Variants in TMEM163 observed in about 807,000 individuals in gnomAD.
The protein encoded by TMEM163 is transmembrane protein 163.
Under a neutral mutation model 29.3 loss-of-function variants are expected in TMEM163, and 17 were observed. That is an observed-to-expected ratio of 0.58 (90% CI 0.40 to 0.87). The LOEUF is 0.87. TMEM163 is among the 40% of genes least tolerant of loss of function. The pLI is 0.00. For missense variants in TMEM163, 303 were observed against 381.5 expected, an observed-to-expected ratio of 0.79 and a Z score of 1.71; for synonymous variants, 157 against 160.6, an observed-to-expected ratio of 0.98 and a Z score of 0.17.
chr2:134,477,459 T>C (rs927910971), intron 5 of TMEM163, among the ~76,000 whole-genome samples: 38 of 152,170 alleles, frequency 2.5e-4, no homozygotes, highest in African/African-American at 8.7e-4. Context: ...ACCGTCAGTT[T>C]GCTAACCTGG....
intron 4 of TMEM163, among the ~76,000 whole-genome samples, chr2:134,508,611 A>C (rs1679878865): frequency 6.6e-6 from 1 of 152,142 alleles, no homozygotes; most frequent in South Asian, 2.1e-4. Flanking sequence ...TATCATGCAG[A>C]AGCCAAACCG....
rs570647029 is a variant in TMEM163 at position 134,566,573 on chromosome 2, T to A, written c.323-14482A>T. ...GTGAGACTCCATCTCAAAAAAAAAA[T>A]TTTTTTTGCAAATTCTGAGTGCTGG... On this transcript the variant is annotated intron_variant, in intron 2 of 7. Coordinates refer to ENST00000281924, the MANE Select transcript of TMEM163 (RefSeq NM_030923.5). Among the ~76,000 whole-genome samples the A allele has an allele frequency of 8.8e-4, 134 of 151,616 alleles. 1 individual carries two copies. The East Asian group carries it at 0.018, about 20-fold the overall frequency.
chr2:134,536,690 T>C (rs1013400516), intron 4 of TMEM163, among the ~76,000 whole-genome samples: 1 of 152,126 alleles, frequency 6.6e-6, no homozygotes, highest in African/African-American at 2.4e-5. Flanking sequence ...CAGAATATAC[T>C]TAGTACAGTG....
intron 2 of TMEM163, among the ~76,000 whole-genome samples, chr2:134,634,032 T>G: frequency 7.7e-6 from 1 of 130,458 alleles, no homozygotes; most frequent in African/African-American, 2.8e-5. Context: ...ATAGGACTGT[T>G]TTAAGATGCA....
chr2:134,567,332 C>A (rs1422547436), intron 2 of TMEM163, among the ~76,000 whole-genome samples: 1 of 152,168 alleles, frequency 6.6e-6, no homozygotes, highest in Non-Finnish European at 1.5e-5. Flanking sequence ...TTTAAACTAC[C>A]TAGGTGTAGT....
chr2:134,636,227 G>A (rs1186352557), intron 2 of TMEM163, among the ~76,000 whole-genome samples: 2 of 152,212 alleles, frequency 1.3e-5, no homozygotes, highest in Non-Finnish European at 1.5e-5. Context: ...ACTGGGCTCA[G>A]GCTGGCTGGC....
chr2:134,689,110 GT>G (rs5834423), intron 2 of TMEM163, among the ~76,000 whole-genome samples: 17,719 of 130,566 alleles, frequency 0.14, 807 homozygotes, highest in Middle Eastern at 0.35. Context: ...TTTTTGTTTT[GT>G]TTTTTTTTTT....
At chr2:134,630,724 G>A (rs1460699806) in intron 2 of TMEM163, among the ~76,000 whole-genome samples, 6 of 152,070 alleles carry the variant, frequency 3.9e-5, no homozygotes, top group African/African-American at 1.4e-4. Flanking sequence ...TTGAGTTATC[G>A]CCACATAGTT....
At chr2:134,605,219 G>A (rs1225806922) in intron 2 of TMEM163, among the ~76,000 whole-genome samples, 1 of 151,790 alleles carries the variant, frequency 6.6e-6, no homozygotes, top group African/African-American at 2.4e-5. Context: ...TCCACTGCTG[G>A]CTCAACCACC....
chr2:134,465,190 A>T (rs1686637114), intron 6 of TMEM163, among the ~76,000 whole-genome samples: 1 of 114,210 alleles, frequency 8.8e-6, no homozygotes, highest in Admixed American at 8.1e-5. Context: ...CCGCATCTTT[A>T]AAAAAAAAAA....
intron 5 of TMEM163, among the ~76,000 whole-genome samples, chr2:134,482,134 G>C (rs371063526): frequency 2.0e-5 from 3 of 152,252 alleles, no homozygotes; most frequent in African/African-American, 7.2e-5. Context: ...AAGTTTCTCT[G>C]TCCTCGCCAC....
intron 5 of TMEM163, among the ~76,000 whole-genome samples, chr2:134,485,960 T>TGAGAAAGTCCCCTTGAAAGCACTC (rs1228011424): frequency 6.6e-6 from 1 of 152,128 alleles, no homozygotes; most frequent in Admixed American, 6.5e-5. Context: ...GCCTGCTCCA[T>TGAGAAAGTCCCCTTGAAAGCACTC]GAGAAAGTCC....
At chr2:134,663,208 A>C (rs2104860464) in intron 2 of TMEM163, among the ~76,000 whole-genome samples, 1 of 152,384 alleles carries the variant, frequency 6.6e-6, no homozygotes, top group South Asian at 2.1e-4. Flanking sequence ...TCCTATAGGA[A>C]TAAGCCTTGT....
chr2:134,584,821 T>A (rs842348), intron 2 of TMEM163, among the ~76,000 whole-genome samples: 1 of 151,964 alleles, frequency 6.6e-6, no homozygotes, highest in Admixed American at 6.6e-5. Context: ...AAGCTTAGCA[T>A]GTAAACTTAG....
At chr2:134,715,049 T>C (rs553171107) in intron 1 of TMEM163, among the ~76,000 whole-genome samples, 2 of 152,294 alleles carry the variant, frequency 1.3e-5, no homozygotes, top group South Asian at 2.1e-4. Flanking sequence ...AGTGAAGCTA[T>C]AACATTTAAG....
intron 5 of TMEM163, among the ~76,000 whole-genome samples, chr2:134,484,126 G>A (rs961543389): frequency 6.6e-6 from 1 of 152,130 alleles, no homozygotes. Context: ...GGCTGACAGG[G>A]TAAGAATCCC....
At chr2:134,539,892 G>A (rs1680627767) in intron 4 of TMEM163, among the ~76,000 whole-genome samples, 1 of 152,186 alleles carries the variant, frequency 6.6e-6, no homozygotes, top group African/African-American at 2.4e-5. Flanking sequence ...ACTGACCAAG[G>A]TGGCCACAAA....
At chr2:134,565,855 A>G (rs1681290053) in intron 2 of TMEM163, among the ~76,000 whole-genome samples, 1 of 152,238 alleles carries the variant, frequency 6.6e-6, no homozygotes, top group African/African-American at 2.4e-5. Flanking sequence ...TGGATAATCT[A>G]TGTATGATTT....
intron 5 of TMEM163, among the ~76,000 whole-genome samples, chr2:134,475,208 C>G (rs964660034): frequency 1.3e-5 from 2 of 152,090 alleles, no homozygotes; most frequent in Non-Finnish European, 2.9e-5. Flanking sequence ...TAGAAATCAT[C>G]CCACTCTCAG....
Sources: gnomAD v4.1 joint callset for allele counts (sites outside exome capture counted in the v4.1 genomes callset) on GRCh38, gnomAD v4.1.1 for gene constraint, MANE v1.5 for transcripts, NCBI Gene and HGNC (gene_info 2026-07-23, HGNC 2026-07-21) for gene names.